Variants in MME observed in about 807,000 individuals in gnomAD.
The protein encoded by MME is membrane metalloendopeptidase, also known as neprilysin.
MME carries 98 observed loss-of-function variants against 113.2 expected under a neutral mutation model. The observed-to-expected ratio is 0.87, with a 90% confidence interval of 0.74 to 1.02. The LOEUF (loss-of-function observed/expected upper bound fraction) is 1.02. MME is among the 50% of genes least tolerant of loss of function. The pLI, the probability that MME is intolerant of heterozygous loss-of-function variation, is 0.00. For missense variants in MME, 836 were observed against 896.0 expected (o/e 0.93, Z 0.86); for synonymous variants, 292 against 300.6 (o/e 0.97, Z 0.30).
At chr3:155,099,446 G>A (rs549491185) in intron 3 of MME, among the ~76,000 whole-genome samples, 2 of 152,206 alleles carry the variant, frequency 1.3e-5, no homozygotes, top group South Asian at 2.1e-4. Flanking sequence ...TGCCTTCACC[G>A]TGAAGCTAAT....
chr3:155,084,465 T>C, intron 2 of MME, 138 bp downstream of exon 2: 1 of 844,342 alleles, frequency 1.2e-6, no homozygotes, highest in Non-Finnish European at 1.9e-6. Flanking sequence ...TTATAAAATG[T>C]AACATCAATA....
intron 8 of MME, among the ~76,000 whole-genome samples, chr3:155,127,347 G>T (rs1281718142): frequency 2.0e-5 from 3 of 152,088 alleles, no homozygotes; most frequent in Non-Finnish European, 4.4e-5. Context: ...TAGTCTATTT[G>T]GTCAAAGTTG....
At chr3:155,102,293 A>G (rs1337210417) in intron 3 of MME, among the ~76,000 whole-genome samples, 3 of 152,206 alleles carry the variant, frequency 2.0e-5, no homozygotes, top group Non-Finnish European at 2.9e-5. Flanking sequence ...AGTGTCCATT[A>G]TGGGCTAGTC....
At chr3:155,060,956 C>A (rs1229469350) in intron 1 of MME, among the ~76,000 whole-genome samples, 1 of 152,050 alleles carries the variant, frequency 6.6e-6, no homozygotes, top group African/African-American at 2.4e-5. Context: ...CACTTAATTA[C>A]CTTCGTAAGA....
intron 8 of MME, among the ~76,000 whole-genome samples, chr3:155,129,080 TAATC>T (rs1464553186): frequency 4.6e-5 from 7 of 152,194 alleles, no homozygotes; most frequent in African/African-American, 1.4e-4. Context: ...TTATTGGAAA[TAATC>T]AAGAGAAGTT....
At chr3:155,117,825 C>T (rs1384064879) in intron 7 of MME, among the ~76,000 whole-genome samples, 1 of 151,932 alleles carries the variant, frequency 6.6e-6, no homozygotes, top group African/African-American at 2.4e-5. Flanking sequence ...GGATCAGGGC[C>T]CTTCATGTGG....
At chr3:155,163,271 T>TA (rs1012735058) in intron 17 of MME, among the ~76,000 whole-genome samples, 5 of 152,092 alleles carry the variant, frequency 3.3e-5, no homozygotes, top group Admixed American at 6.6e-5. Context: ...GTTGTTATGT[T>TA]AAAAAAAGAA....
At chr3:155,067,282 C>T (rs1335951148) in intron 1 of MME, among the ~76,000 whole-genome samples, 10 of 110,936 alleles carry the variant, frequency 9.0e-5, no homozygotes, top group Admixed American at 5.3e-4. Context: ...ACAGATTTAG[C>T]TTTTGCAATT....
chr3:155,161,288 G>A (rs1264858729), intron 17 of MME, among the ~76,000 whole-genome samples: 3 of 151,912 alleles, frequency 2.0e-5, no homozygotes, highest in Non-Finnish European at 2.9e-5. Context: ...AAATAGTAGA[G>A]CAAGCTTCTG....
intron 1 of MME, among the ~76,000 whole-genome samples, chr3:155,049,614 CT>C (rs1268857694): frequency 2.0e-5 from 3 of 150,652 alleles, no homozygotes; most frequent in African/African-American, 7.3e-5. Flanking sequence ...GAGAGATCTT[CT>C]ATCATCTTAG....
At chr3:155,096,163 A>G (rs1359947908) in intron 3 of MME, among the ~76,000 whole-genome samples, 1 of 152,206 alleles carries the variant, frequency 6.6e-6, no homozygotes, top group East Asian at 1.9e-4. Context: ...CTTATATGCC[A>G]TGATAAATGG....
At chr3:155,120,374 A>T (rs1315036442) in intron 8 of MME, among the ~76,000 whole-genome samples, 1 of 103,658 alleles carries the variant, frequency 9.6e-6, no homozygotes, top group Non-Finnish European at 2.1e-5. Flanking sequence ...TTGCCTGTTC[A>T]CTCTGATGGT....
At chr3:155,129,096 T>TTCTCAATCAA (rs1337335468) in intron 8 of MME, among the ~76,000 whole-genome samples, 30 of 152,220 alleles carry the variant, frequency 2.0e-4, no homozygotes, top group African/African-American at 6.5e-4. Flanking sequence ...AGAGAAGTTT[T>TTCTCAATCAA]GAGAATTGGC....
chr3:155,140,106 A>G, intron 9 of MME, 85 bp from the exon 10 acceptor site: 2 of 860,690 alleles, frequency 2.3e-6, no homozygotes, highest in Admixed American at 2.2e-5. Flanking sequence ...TGTTGTACCT[A>G]TCCTATATTT....
chr3:155,119,071 C>T (rs890031803), intron 8 of MME, among the ~76,000 whole-genome samples: 11 of 152,080 alleles, frequency 7.2e-5, no homozygotes, highest in African/African-American at 2.2e-4. Flanking sequence ...AACATATGAT[C>T]GATTTTGAAA....
intron 1 of MME, among the ~76,000 whole-genome samples, chr3:155,073,154 A>G (rs779820161): frequency 2.0e-5 from 3 of 152,194 alleles, no homozygotes; most frequent in Non-Finnish European, 2.9e-5. Context: ...ATAGAATCAC[A>G]TAATCTCTGG....
chr3:155,137,900 C>T (rs563889926), intron 8 of MME, among the ~76,000 whole-genome samples: 25 of 151,074 alleles, frequency 1.7e-4, no homozygotes, highest in African/African-American at 5.6e-4. Context: ...TACCTCATTG[C>T]TCTCCTTTAA....
intron 1 of MME, among the ~76,000 whole-genome samples, chr3:155,059,527 G>A (rs894333446): frequency 6.6e-6 from 1 of 152,008 alleles, no homozygotes; most frequent in East Asian, 1.9e-4. Context: ...ATTAGTAAAC[G>A]GTGGGACAGA....
At chr3:155,096,515 G>A (rs890197274) in intron 3 of MME, among the ~76,000 whole-genome samples, 1 of 152,210 alleles carries the variant, frequency 6.6e-6, no homozygotes, top group Admixed American at 6.5e-5. Flanking sequence ...TAAAGTGAAT[G>A]CACTTCCTTC....
Sources: gnomAD v4.1 joint callset for allele counts (sites outside exome capture counted in the v4.1 genomes callset) on GRCh38, gnomAD v4.1.1 for gene constraint, MANE v1.5 for transcripts, NCBI Gene and HGNC (gene_info 2026-07-23, HGNC 2026-07-21) for gene names.